The following NDST4 variants were observed in gnomAD, a reference collection of about 807,000 sequenced individuals.
NDST4 encodes the protein N-deacetylase and N-sulfotransferase 4.
Under a neutral mutation model 100.8 loss-of-function variants are expected in NDST4, and 63 were observed. The ratio of observed to expected loss-of-function variants is 0.62; its 90% confidence interval spans 0.51 to 0.77. The LOEUF (loss-of-function observed/expected upper bound fraction) is 0.77, where lower values mean the gene tolerates loss of function less well. Among genes scored for constraint, NDST4 ranks in the 30% least tolerant of loss-of-function variants. The pLI, the probability that NDST4 is intolerant of heterozygous loss-of-function variation, is 0.00. For missense variants in NDST4, 943 were observed against 1,018.4 expected (o/e 0.93, Z 1.01); for synonymous variants, 377 against 361.8 (o/e 1.04, Z -0.48).
At chr4:115,005,238 CTTACA>C (rs1727387283) in intron 2 of NDST4, among the ~76,000 whole-genome samples, 1 of 152,108 alleles carries the variant, frequency 6.6e-6, no homozygotes, top group Admixed American at 6.6e-5. Flanking sequence ...CTCTTTCATG[CTTACA>C]TTAAACAGAG....
intron 4 of NDST4, among the ~76,000 whole-genome samples, chr4:114,956,948 A>C (rs1246852538): frequency 1.3e-5 from 2 of 152,212 alleles, no homozygotes; most frequent in Non-Finnish European, 2.9e-5. Context: ...AAAGCGAGCA[A>C]TTGAAATTGC....
At chr4:114,869,294 G>A (rs1221758913) in intron 7 of NDST4, among the ~76,000 whole-genome samples, 5 of 151,606 alleles carry the variant, frequency 3.3e-5, no homozygotes, top group African/African-American at 7.3e-5. Context: ...GAAGAGTAGC[G>A]CTGGAGGCCA....
At chr4:114,970,957 T>C (rs1373575819) in intron 3 of NDST4, among the ~76,000 whole-genome samples, 4 of 152,144 alleles carry the variant, frequency 2.6e-5, no homozygotes, top group Non-Finnish European at 4.4e-5. Flanking sequence ...ATAACATTTG[T>C]TAATTTTTTT....
chr4:115,062,584 T>A (rs1728848074), intron 2 of NDST4, among the ~76,000 whole-genome samples: 1 of 151,644 alleles, frequency 6.6e-6, no homozygotes, highest in Admixed American at 6.6e-5. Context: ...AGAAGATATC[T>A]GCAAGCATAT....
intron 2 of NDST4, among the ~76,000 whole-genome samples, chr4:114,982,167 C>A (rs2126246859): frequency 6.6e-6 from 1 of 152,234 alleles, no homozygotes; most frequent in East Asian, 1.9e-4. Context: ...GCTATAATGA[C>A]ACCTGAAAAT....
At chr4:114,841,494 A>G (rs1346341280) in intron 10 of NDST4, among the ~76,000 whole-genome samples, 1 of 152,220 alleles carries the variant, frequency 6.6e-6, no homozygotes, top group Admixed American at 6.5e-5. Context: ...TGTATGTTCA[A>G]AGAATTTATT....
At chr4:114,909,386 C>A (rs768020106) in intron 6 of NDST4, among the ~76,000 whole-genome samples, 1 of 152,002 alleles carries the variant, frequency 6.6e-6, no homozygotes, top group Non-Finnish European at 1.5e-5. Flanking sequence ...ATTGGCCGGG[C>A]GCGGTGGCTC....
intron 4 of NDST4, among the ~76,000 whole-genome samples, chr4:114,939,692 A>AG (rs1426977557): frequency 5.9e-5 from 9 of 151,710 alleles, no homozygotes; most frequent in Non-Finnish European, 1.3e-4. Context: ...TTCAAAAAAA[A>AG]AAGGTAAAAA....
intron 7 of NDST4, among the ~76,000 whole-genome samples, chr4:114,855,459 G>C (rs1723773757): frequency 6.6e-6 from 1 of 152,144 alleles, no homozygotes; most frequent in Admixed American, 6.5e-5. Context: ...TGTACGGAGA[G>C]AGATAGGGGT....
In NDST4 at chr4:114,859,657, T is replaced by C. The variant is rs111587715; in HGVS notation, c.1720-6836A>G. On this transcript the variant is annotated intron_variant, in intron 7 of 13. Transcript: ENST00000264363. The stretch of plus-strand genomic sequence containing the variant: ...AGCCACCTGACCGGAAATCAAACTC[T>C]GCATCCCCTCCTCACTCTCAGGGGA... 0.014 allele frequency among the ~76,000 whole-genome samples: 2,198 copies of C among 152,278 alleles called. 106 individuals carry two copies. In the South Asian group the frequency reaches 0.18, roughly 12 times the overall value.
At chr4:114,994,959 G>C (rs1480924870) in intron 2 of NDST4, among the ~76,000 whole-genome samples, 1 of 151,780 alleles carries the variant, frequency 6.6e-6, no homozygotes, top group African/African-American at 2.4e-5. Flanking sequence ...TTTTGGGATA[G>C]GTCACTTCAG....
intron 2 of NDST4, among the ~76,000 whole-genome samples, chr4:115,039,449 A>G (rs1728302474): frequency 6.6e-6 from 1 of 151,984 alleles, no homozygotes. Flanking sequence ...GAAAAAAAAA[A>G]CTTGTTGGTC....
chr4:115,039,084 A>G (rs936825194), intron 2 of NDST4, among the ~76,000 whole-genome samples: 1 of 139,040 alleles, frequency 7.2e-6, no homozygotes, highest in Non-Finnish European at 1.5e-5. Flanking sequence ...ATCGTGGACT[A>G]TATCTATAAA....
At chr4:115,102,212 A>G (rs1480745801) in intron 1 of NDST4, among the ~76,000 whole-genome samples, 1 of 152,162 alleles carries the variant, frequency 6.6e-6, no homozygotes, top group Admixed American at 6.6e-5. Context: ...ATTGCCTCAG[A>G]AGACAATCAT....
At chr4:114,845,700 T>G in intron 10 of NDST4, 123 bp downstream of exon 10, 1 of 819,372 alleles carries the variant, frequency 1.2e-6, no homozygotes, top group African/African-American at 1.7e-5. Context: ...TTGGTGGGGG[T>G]TGTGGGTTTA....
chr4:115,051,388 G>A (rs751665467), intron 2 of NDST4, among the ~76,000 whole-genome samples: 4 of 151,524 alleles, frequency 2.6e-5, no homozygotes, highest in Non-Finnish European at 2.9e-5. Context: ...CCACATTTAC[G>A]TTCTTTTCTT....
chr4:114,998,299 T>G (rs1403587921), intron 2 of NDST4, among the ~76,000 whole-genome samples: 1 of 152,124 alleles, frequency 6.6e-6, no homozygotes, highest in Non-Finnish European at 1.5e-5. Context: ...TTCTGGAGAT[T>G]AGCTTTTTTC....
At chr4:115,003,790 C>T (rs963921514) in intron 2 of NDST4, among the ~76,000 whole-genome samples, 1 of 151,952 alleles carries the variant, frequency 6.6e-6, no homozygotes, top group East Asian at 1.9e-4. Context: ...ATTGCTTGAA[C>T]CCGGGAGGTG....
chr4:114,922,035 C>T (rs1725298891), intron 6 of NDST4, among the ~76,000 whole-genome samples: 1 of 151,986 alleles, frequency 6.6e-6, no homozygotes, highest in Non-Finnish European at 1.5e-5. Context: ...GGCAGGAGAC[C>T]CCACCACCCC....
Sources: allele counts gnomAD v4.1 joint callset (sites outside exome capture counted in the v4.1 genomes callset), GRCh38; gene constraint gnomAD v4.1.1; transcripts MANE v1.5; gene names NCBI Gene and HGNC (gene_info 2026-07-23, HGNC 2026-07-21).